Variants in SNX19 observed in about 807,000 individuals in gnomAD.
The protein encoded by SNX19 is sorting nexin 19.
In SNX19, 60 loss-of-function variants were observed where a neutral mutation model predicts 85.2. That is an observed-to-expected ratio of 0.70 (90% CI 0.57 to 0.87). SNX19 has a LOEUF of 0.87. Ranked by LOEUF, SNX19 falls within the 40% of genes least tolerant of loss-of-function variation. The pLI is 0.00. For missense variants in SNX19, 1,201 were observed against 1,217.8 expected (o/e 0.99, Z 0.21); for synonymous variants, 520 against 470.0 (o/e 1.11, Z -1.38).
chr11:130,906,754 T>G (rs1592356439), intron 5 of SNX19, 33 bp from the exon 6 acceptor site: 1 of 1,443,814 alleles, frequency 6.9e-7, no homozygotes, highest in African/African-American at 1.4e-5. Context: ...AAACAGGTTG[T>G]AATTTATGGC....
rs1210164650 is a variant in SNX19 at position 130,916,276 on chromosome 11, T to C, written c.-337A>G. 7.4e-6 allele frequency: 2 copies of C among 271,068 alleles called. No homozygotes were observed. The highest frequency in any genetic ancestry group is 7.6e-5 in the East Asian group (1 of 13,184). The allele number at this position is 271,068 out of a possible 1,614,324, so 16.8% of individuals were successfully genotyped here. On this transcript the variant is annotated 5_prime_UTR_variant, in exon 1 of 11. Coordinates refer to ENST00000265909, the MANE Select transcript of SNX19 (RefSeq NM_014758.3). ...GCAAGGCCCTGGGGCCCACGGACAC[T>C]TACACACGCAGCGGGCAGCGGCCGG...
chr11:130,891,541 T>TA (rs1944495558), intron 8 of SNX19, among the ~76,000 whole-genome samples: 1 of 152,184 alleles, frequency 6.6e-6, no homozygotes, highest in South Asian at 2.1e-4. Flanking sequence ...AAAGGGGGGT[T>TA]ATGAGGACTA....
chr11:130,878,285 T>A lies in SNX19; in HGVS notation c.*137A>T. 2 of 897,060 alleles carry A rather than the reference T, an allele frequency of 2.2e-6. No homozygotes were observed. Among genetic ancestry groups the A allele is most frequent in the South Asian group, 2.3e-5 (1 of 43,614 alleles). The allele number at this position is 897,060 out of a possible 1,614,324, so 55.6% of individuals were successfully genotyped here. On this transcript the variant is annotated 3_prime_UTR_variant, in exon 11 of 11. Coordinates refer to ENST00000265909, the MANE Select transcript of SNX19 (RefSeq NM_014758.3). ...TCACCTGCTACAAATGGAGCAGAAG[T>A]GGGAGAGAAGTGAGCCACCGAGAAC...
intron 4 of SNX19, 50 bp downstream of exon 4, chr11:130,909,968 C>T (rs769122992): frequency 3.1e-6 from 5 of 1,607,906 alleles, no homozygotes; most frequent in African/African-American, 1.3e-5. Flanking sequence ...GATGAATCCT[C>T]CCCATTTATA....
chr11:130,905,938 G>C lies in SNX19; in HGVS notation c.2443+15C>G. 1 of 1,614,200 alleles carries C rather than the reference G, an allele frequency of 6.2e-7. No homozygotes were observed. The highest frequency in any genetic ancestry group is 8.5e-7 in the Non-Finnish European group (1 of 1,180,038). ...TGGCTCCCTTCTCCATGGGAGCAGA[G>C]ACCTCGCCACTCACCTGGATCGCTG... is the stretch of plus-strand genomic sequence containing the variant. On this transcript the variant is annotated intron_variant, in intron 7 of 10. Coordinates refer to ENST00000265909, the MANE Select transcript of SNX19 (RefSeq NM_014758.3).
At position 130,915,787 on chromosome 11, in the gene SNX19, C is replaced by A. The variant is rs200212173; in HGVS notation, c.153G>T (p.Leu51=). 47 of 1,614,202 alleles carry A rather than the reference C, an allele frequency of 2.9e-5. No homozygotes were observed. In the East Asian group the frequency reaches 9.4e-4, roughly 32 times the overall value. ...CCACTAGCAATGCCGACAGAAGGCA[C>A]AGCAGCCACACGTTGACCAGAAGGT... ...VIHLLVNVWL[L]CLLSALLVVL... is the part of the protein sequence containing the mutation. Residue 51 remains leucine, a synonymous_variant, in exon 1 of 11, where the codon CTG becomes CTT. Coordinates refer to ENST00000265909, the MANE Select transcript of SNX19 (RefSeq NM_014758.3).
chr11:130,911,984 T>A lies in SNX19; in HGVS notation c.1675-213A>T, dbSNP rs982867758. ...TCACTCCTCCGCACTACTACTTTCA[T>A]CTGAAAGCTCCCTCTCCCAGATACT... On this transcript the variant is annotated intron_variant, in intron 1 of 10. Transcript: ENST00000265909. Among the ~76,000 whole-genome samples the A allele has an allele frequency of 2.0e-5, 3 of 151,960 alleles. No individual in the cohort carries two copies. The East Asian group carries it at 5.8e-4, about 29-fold the overall frequency.
In SNX19 at chr11:130,916,429, G is replaced by A. The variant is rs1030260536; in HGVS notation, c.-490C>T. 2 of 153,884 alleles carry A rather than the reference G, an allele frequency of 1.3e-5. No individual in the cohort carries two copies. The highest frequency in any genetic ancestry group is 2.9e-5 in the Non-Finnish European group (2 of 69,214). The allele number at this position is 153,884 out of a possible 1,614,324, so 9.5% of individuals were successfully genotyped here. On this transcript the variant is annotated 5_prime_UTR_variant, in exon 1 of 11. Transcript: ENST00000265909. Reference sequence around the variant, plus strand: ...CCGTAAACCTGGGCGACTGCGCTCCGCAGCCGGGCCTGTGTGAAGGCTGAC... The same window carrying A: ...CCGTAAACCTGGGCGACTGCGCTCCACAGCCGGGCCTGTGTGAAGGCTGAC...
chr11:130,916,137 TA>T lies in SNX19; in HGVS notation c.-199del. On this transcript the variant is annotated 5_prime_UTR_variant, in exon 1 of 11. Transcript: ENST00000265909. ...CTCCGCGTCTCCCCATGGCTACCAC[TA>T]ACAGAGCCCTCCAACTCGCCCCTTC... 1 of 592,014 alleles carries T rather than the reference TA, an allele frequency of 1.7e-6. No homozygotes were observed. The highest frequency in any genetic ancestry group is 3.0e-6 in the Non-Finnish European group (1 of 334,006). 36.7% of individuals were successfully genotyped at this position (592,014 alleles called of 1,614,324 possible). A position where few individuals can be genotyped will look rare whatever the true frequency, so the allele number is the denominator to read the frequency against.
chr11:130,912,676 G>A (rs527505028), intron 1 of SNX19, among the ~76,000 whole-genome samples: 1 of 152,186 alleles, frequency 6.6e-6, no homozygotes, highest in South Asian at 2.1e-4. Flanking sequence ...CTGGAGACAG[G>A]GTATTCATTA....
intron 8 of SNX19, among the ~76,000 whole-genome samples, chr11:130,881,431 C>A (rs1456910737): frequency 2.0e-5 from 3 of 152,170 alleles, no homozygotes; most frequent in African/African-American, 7.2e-5. Context: ...GGTGAGCCTG[C>A]ACCTATACCT....
intron 8 of SNX19, among the ~76,000 whole-genome samples, chr11:130,895,479 T>G (rs1176260739): frequency 6.6e-6 from 1 of 152,180 alleles, no homozygotes; most frequent in Non-Finnish European, 1.5e-5. Flanking sequence ...GAAGATATAA[T>G]GGTAAATAAG....
chr11:130,891,265 A>G (rs904043345), intron 8 of SNX19, among the ~76,000 whole-genome samples: 3 of 152,202 alleles, frequency 2.0e-5, no homozygotes, highest in African/African-American at 7.2e-5. Context: ...TACACCAGCG[A>G]TAGAGCTGAT....
At chr11:130,904,871 T>TA (rs1320910044) in intron 7 of SNX19, among the ~76,000 whole-genome samples, 1 of 152,120 alleles carries the variant, frequency 6.6e-6, no homozygotes, top group East Asian at 1.9e-4. Context: ...TACAGTCTCT[T>TA]AGAGTTCTCT....
chr11:130,903,710 TACAC>T (rs1169329974), intron 7 of SNX19, among the ~76,000 whole-genome samples: 9 of 98,932 alleles, frequency 9.1e-5, no homozygotes, highest in African/African-American at 3.2e-4. Flanking sequence ...TATATATATA[TACAC>T]ATACACACAC....
At chr11:130,885,914 C>T (rs1357532374) in intron 8 of SNX19, among the ~76,000 whole-genome samples, 2 of 152,326 alleles carry the variant, frequency 1.3e-5, no homozygotes, top group African/African-American at 2.4e-5. Context: ...AACGTTGGTA[C>T]TACTGATATT....
rs148629118 is a variant in SNX19 at position 130,875,289 on chromosome 11, C to T, written c.*3133G>A. ...ACTGCATGATTCCACTTATATGAGG[C>T]GTTCAAAGTAGTCAAACTCACAGAA... On this transcript the variant is annotated 3_prime_UTR_variant, in exon 11 of 11. Transcript: ENST00000265909. 2.6e-5 allele frequency: 4 copies of T among 152,546 alleles called. No individual in the cohort carries two copies. Among genetic ancestry groups the T allele is most frequent in the Non-Finnish European group, 4.4e-5 (3 of 68,280 alleles). The allele number at this position is 152,546 out of a possible 1,614,324, so 9.4% of individuals were successfully genotyped here.
At chr11:130,894,393 G>A (rs531707217) in intron 8 of SNX19, among the ~76,000 whole-genome samples, 2 of 152,318 alleles carry the variant, frequency 1.3e-5, no homozygotes, top group Non-Finnish European at 1.5e-5. Flanking sequence ...TAGAGCAGAA[G>A]GAAGAAGGGT....
intron 8 of SNX19, among the ~76,000 whole-genome samples, chr11:130,898,633 G>C (rs1945043386): frequency 6.6e-6 from 1 of 152,172 alleles, no homozygotes; most frequent in Admixed American, 6.5e-5. Flanking sequence ...GGGTACAGTG[G>C]AGAGGTGCTG....
Sources: allele counts gnomAD v4.1 joint callset (sites outside exome capture counted in the v4.1 genomes callset), GRCh38; gene constraint gnomAD v4.1.1; transcripts MANE v1.5; gene names NCBI Gene and HGNC (gene_info 2026-07-23, HGNC 2026-07-21).